BPIFB1: variants seen among roughly 807,000 people sequenced by gnomAD.
The protein encoded by BPIFB1 is BPI fold-containing family B member 1.
Under a neutral mutation model 55.1 loss-of-function variants are expected in BPIFB1, and 34 were observed. That is an observed-to-expected ratio of 0.62 (90% CI 0.47 to 0.82). BPIFB1 has a LOEUF of 0.82. Among genes scored for constraint, BPIFB1 ranks in the 40% least tolerant of loss-of-function variants. The pLI is 0.00. For missense variants in BPIFB1, 532 were observed against 593.1 expected, an observed-to-expected ratio of 0.90 and a Z score of 1.07; for synonymous variants, 236 against 245.3, an observed-to-expected ratio of 0.96 and a Z score of 0.35.
intron 8 of BPIFB1, among the ~76,000 whole-genome samples, chr20:33,301,019 A>G (rs915337780): frequency 6.6e-6 from 1 of 152,206 alleles, no homozygotes; most frequent in African/African-American, 2.4e-5. Context: ...TGGGAAAAAA[A>G]ACGAAGATAT....
chr20:33,291,764 C>T (rs918625718), intron 5 of BPIFB1, 143 bp from the exon 6 acceptor site: 1 of 694,578 alleles, frequency 1.4e-6, no homozygotes, highest in Non-Finnish European at 2.5e-6. Context: ...TCAGGGGCTA[C>T]TCCCAGCCCC....
Position 33,299,955 on chromosome 20 carries a change from A to G in BPIFB1, c.718A>G (p.Lys240Glu). ...GTTTGACCTTCTGTATCCTGCCATC[A>G]AGGGTGACACCATTCAGCTCTACCT... The part of the protein sequence containing the change: ...LEFDLLYPAI[K>E]GDTIQLYLGA... Residue 240 changes from lysine (K) to glutamate (E), a missense_variant, in exon 8 of 16, where the codon AAG (lysine) becomes GAG (glutamate). By Grantham distance (56) the Lys-to-Glu change is moderately conservative. Coordinates refer to ENST00000253354, the MANE Select transcript of BPIFB1 (RefSeq NM_033197.3). 6.2e-7 allele frequency: 1 copy of G among 1,614,036 alleles called. No homozygotes were observed. Among genetic ancestry groups the G allele is most frequent in the Non-Finnish European group, 8.5e-7 (1 of 1,179,986 alleles).
intron 9 of BPIFB1, among the ~76,000 whole-genome samples, chr20:33,301,662 G>A (rs1187442201): frequency 3.3e-5 from 5 of 152,136 alleles, no homozygotes; most frequent in South Asian, 2.1e-4. Context: ...TAACAGTCTC[G>A]TGAAATCAAA....
At position 33,297,563 on chromosome 20, in the gene BPIFB1, T is replaced by C; in HGVS notation, c.636T>C (p.Tyr212=). 2 of 1,614,102 alleles carry C rather than the reference T, an allele frequency of 1.2e-6. No homozygotes were observed. The highest frequency in any genetic ancestry group is 8.5e-7 in the Non-Finnish European group (1 of 1,180,030). ...TCGAGGCTTCCTTCAATGGCATGTA[T>C]GCAGACCTCCTGCAGCTGGTGAAGG... ...PVIEASFNGM[Y]ADLLQLVKVP... is the part of the protein sequence containing the mutation. Residue 212 remains tyrosine, a synonymous_variant, in exon 7 of 16, where the codon TAT becomes TAC. Coordinates refer to ENST00000253354, the MANE Select transcript of BPIFB1 (RefSeq NM_033197.3).
At chr20:33,302,327 A>G (rs1383934485) in intron 9 of BPIFB1, 32 bp from the exon 10 acceptor site, 2 of 1,612,716 alleles carry the variant, frequency 1.2e-6, no homozygotes, top group Non-Finnish European at 1.7e-6. Context: ...TGTGCCCTCC[A>G]ACTGACCTTC....
chr20:33,303,179 C>A, intron 11 of BPIFB1, 105 bp downstream of exon 11: 2 of 1,430,220 alleles, frequency 1.4e-6, no homozygotes, highest in African/African-American at 1.4e-5. Context: ...ACTCTCATCA[C>A]TTAGCAGGGA....
At chr20:33,295,968 AAAGG>A (rs10604910) in intron 6 of BPIFB1, among the ~76,000 whole-genome samples, 1,925 of 132,364 alleles carry the variant, frequency 0.015, 58 homozygotes, top group African/African-American at 0.045. Context: ...GGGAGGGAAG[AAAGG>A]AAGGAAGGGA....
intron 7 of BPIFB1, chr20:33,299,237 C>G (rs1306725818): frequency 8.9e-6 from 4 of 450,800 alleles, no homozygotes; most frequent in African/African-American, 4.0e-5. Context: ...GGTAGGCGGC[C>G]GGTCCCTGGC....
intron 6 of BPIFB1, among the ~76,000 whole-genome samples, chr20:33,295,364 G>T (rs185270633): frequency 6.6e-6 from 1 of 151,866 alleles, no homozygotes; most frequent in Non-Finnish European, 1.5e-5. Context: ...CCAGCACTTT[G>T]GGAGGCCAAG....
At chr20:33,300,839 C>T (rs1444235778) in intron 8 of BPIFB1, among the ~76,000 whole-genome samples, 1 of 152,180 alleles carries the variant, frequency 6.6e-6, no homozygotes, top group Non-Finnish European at 1.5e-5. Flanking sequence ...CCTCCCACTT[C>T]GGCCTCCCAA....
At chr20:33,300,934 C>T (rs578160023) in intron 8 of BPIFB1, among the ~76,000 whole-genome samples, 10 of 152,120 alleles carry the variant, frequency 6.6e-5, no homozygotes, top group African/African-American at 1.9e-4. Context: ...AGCATCAAAT[C>T]GTTTCTTCCA....
chr20:33,295,977 A>G (rs144964191), intron 6 of BPIFB1, among the ~76,000 whole-genome samples: 35 of 110,580 alleles, frequency 3.2e-4, no homozygotes, highest in African/African-American at 9.9e-4. Flanking sequence ...GAAAGGAAGG[A>G]AGGGAGGGAG....
Position 33,298,520 on chromosome 20 carries a change from A to G in BPIFB1, c.661+932A>G, listed in dbSNP as rs187616490. ...CAGCATGCACTGAGCGCCACAGGGC[A>G]TCTGCCATGGGCCACGCCCTCCCGC... On this transcript the variant is annotated intron_variant, in intron 7 of 15. Transcript: ENST00000253354. 7.0e-4 allele frequency among the ~76,000 whole-genome samples: 106 copies of G among 152,124 alleles called. 1 individual carries two copies. In the Middle Eastern group the frequency reaches 0.027, roughly 39 times the overall value.
In BPIFB1 at chr20:33,299,894, A is replaced by G. The variant is rs1437175055; in HGVS notation, c.662-5A>G. On this transcript the variant is annotated splice_region_variant and splice_polypyrimidine_tract_variant and intron_variant, in intron 7 of 15. Coordinates refer to ENST00000253354, the MANE Select transcript of BPIFB1 (RefSeq NM_033197.3). ...TCACAGAACTTTCTTCTTGTCCTTG[A>G]GCAGTGCCCATTTCCCTCAGCATTG... 6 of 1,613,468 alleles carry G rather than the reference A, an allele frequency of 3.7e-6. No individual in the cohort carries two copies. Among genetic ancestry groups the G allele is most frequent in the South Asian group, 1.1e-5 (1 of 91,062 alleles).
chr20:33,303,497 C>T lies in BPIFB1; in HGVS notation c.1140+423C>T, dbSNP rs548564707. On this transcript the variant is annotated intron_variant, in intron 11 of 15. Transcript: ENST00000253354. Reference sequence around the variant, plus strand: ...GCCCCAGGCTGCATTAGGCTCATATCCTATCAGCTTGGCAATCACCGCAGG... The same window carrying T: ...GCCCCAGGCTGCATTAGGCTCATATTCTATCAGCTTGGCAATCACCGCAGG... Among the ~76,000 whole-genome samples the T allele has an allele frequency of 2.0e-5, 3 of 152,264 alleles. No homozygotes were observed. The South Asian group carries it at 6.2e-4, about 32-fold the overall frequency.
At position 33,306,986 on chromosome 20, in the gene BPIFB1, A is replaced by C. The variant is rs1981051400; in HGVS notation, c.1394A>C (p.Lys465Thr). The C allele has an allele frequency of 1.2e-6, 2 of 1,613,646 alleles. No homozygotes were observed. Among genetic ancestry groups the C allele is most frequent in the African/African-American group, 2.7e-5 (2 of 74,936 alleles). Residue 465 changes from lysine (K) to threonine (T), a missense_variant and splice_region_variant, in exon 15 of 16, where the codon AAG (lysine) becomes ACG (threonine). By Grantham distance (78) the Lys-to-Thr change is moderately conservative. Coordinates refer to ENST00000253354, the MANE Select transcript of BPIFB1 (RefSeq NM_033197.3). Reference sequence around the variant, plus strand: ...GAGGCAGCTGAGTCCTCACTGACCAAGGTGAGTGGGTGTGGCCCTAAACAT... The same window carrying C: ...GAGGCAGCTGAGTCCTCACTGACCACGGTGAGTGGGTGTGGCCCTAAACAT... Reference protein sequence around the residue: ...GFEAAESSLTKDALVLTPASL... With the variant: ...GFEAAESSLTTDALVLTPASL...
At chr20:33,303,520 A>T (rs1980922778) in intron 11 of BPIFB1, among the ~76,000 whole-genome samples, 1 of 152,128 alleles carries the variant, frequency 6.6e-6, no homozygotes, top group Admixed American at 6.5e-5. Context: ...CAATCACCGC[A>T]GGAAGAACCT....
chr20:33,285,957 A>C, intron 1 of BPIFB1, 76 bp from the exon 2 acceptor site: 5 of 878,040 alleles, frequency 5.7e-6, no homozygotes, highest in Non-Finnish European at 9.2e-6. Context: ...TCTCCTGGAC[A>C]CCGTGCCCCA....
chr20:33,294,664 T>C (rs1276604716), intron 6 of BPIFB1, among the ~76,000 whole-genome samples: 1 of 152,188 alleles, frequency 6.6e-6, no homozygotes, highest in African/African-American at 2.4e-5. Flanking sequence ...GCATCACACT[T>C]TAATAGTTAA....
Sources: allele counts gnomAD v4.1 joint callset (sites outside exome capture counted in the v4.1 genomes callset), GRCh38; gene constraint gnomAD v4.1.1; transcripts MANE v1.5; gene names NCBI Gene and HGNC (gene_info 2026-07-23, HGNC 2026-07-21).